Variants in FMO3 observed in about 807,000 individuals in gnomAD.
FMO3 encodes flavin-containing monooxygenase 3.
In FMO3, 40 loss-of-function variants were observed where a neutral mutation model predicts 39.4. The observed-to-expected ratio is 1.02, with a 90% confidence interval of 0.79 to 1.32. The LOEUF is 1.32. Among genes scored for constraint, FMO3 ranks in the 40% most tolerant of loss-of-function variants. The pLI is 0.00. For synonymous variants in FMO3, 219 were observed against 228.8 expected (o/e 0.96, Z 0.39); for missense variants, 680 against 651.8 (o/e 1.04, Z -0.47).
intron 2 of FMO3, among the ~76,000 whole-genome samples, chr1:171,099,108 C>G (rs2205725): frequency 0.34 from 51,695 of 151,932 alleles, 9,415 homozygotes; most frequent in South Asian, 0.47. Flanking sequence ...TCTTTGTTCT[C>G]GTTGGTTTCA....
Position 171,107,895 on chromosome 1 carries a change from A to C in FMO3, c.484+58A>C, listed in dbSNP as rs28363547. 4.4e-5 allele frequency: 68 copies of C among 1,541,976 alleles called. No individual in the cohort carries two copies. In the African/African-American group the frequency reaches 8.5e-4, roughly 19 times the overall value. On this transcript the variant is annotated intron_variant, in intron 4 of 8. Coordinates refer to ENST00000367755, the MANE Select transcript of FMO3 (RefSeq NM_001002294.3). ...ACTGACAAAAATGAATATCTTGATA[A>C]TGTCTTCTTTTTTCTAAAAGTATAA...
At chr1:171,113,755 C>T (rs1656013498) in intron 6 of FMO3, among the ~76,000 whole-genome samples, 1 of 152,144 alleles carries the variant, frequency 6.6e-6, no homozygotes, top group African/African-American at 2.4e-5. Flanking sequence ...AGCCTTTATT[C>T]CGGGATTTGG....
chr1:171,102,242 C>A (rs1240417882), intron 2 of FMO3, among the ~76,000 whole-genome samples: 1 of 152,076 alleles, frequency 6.6e-6, no homozygotes, highest in Admixed American at 6.6e-5. Flanking sequence ...TTCTGGGAGC[C>A]CTGACAACTT....
chr1:171,107,593 C>A, intron 3 of FMO3, 82 bp from the exon 4 acceptor site: 1 of 1,070,416 alleles, frequency 9.3e-7, no homozygotes, highest in South Asian at 1.3e-5. Flanking sequence ...TTTTCTTAAC[C>A]CACTTTTCTT....
At chr1:171,106,990 G>C (rs1023440777) in intron 3 of FMO3, among the ~76,000 whole-genome samples, 1 of 152,046 alleles carries the variant, frequency 6.6e-6, no homozygotes, top group African/African-American at 2.4e-5. Flanking sequence ...ATGTGTTTGT[G>C]TATTTTCTTA....
At chr1:171,114,809 C>T (rs1187222268) in intron 7 of FMO3, among the ~76,000 whole-genome samples, 1 of 152,126 alleles carries the variant, frequency 6.6e-6, no homozygotes, top group African/African-American at 2.4e-5. Context: ...TGCTGGAAGG[C>T]AATGGCTTTT....
intron 1 of FMO3, among the ~76,000 whole-genome samples, chr1:171,091,223 C>CA (rs902273760): frequency 0.011 from 1,365 of 125,108 alleles, 18 homozygotes; most frequent in African/African-American, 0.037. Context: ...AACTCCGTCT[C>CA]AAAAAAAAAA....
intron 2 of FMO3, chr1:171,101,161 G>A (rs1313328220): frequency 1.3e-5 from 6 of 456,134 alleles, no homozygotes; most frequent in Non-Finnish European, 2.2e-5. Context: ...GAAGCCAGAA[G>A]CGGCAAGGAA....
Position 171,116,234 on chromosome 1 carries a change from G to T in FMO3, c.1210G>T (p.Asp404Tyr). Reference protein sequence around the residue: ...KGTCTLPSMEDMMNDINEKME... With the variant: ...KGTCTLPSMEYMMNDINEKME... ...AACTTGTACTTTGCCTTCTATGGAA[G>T]ACATGATGAATGATATTAATGAGAA... Residue 404 changes from aspartate to tyrosine, a missense_variant, in exon 8 of 9, where the codon GAC becomes TAC. Physicochemically the swap from Asp to Tyr is radical, Grantham distance 160. Transcript: ENST00000367755. 6.2e-7 allele frequency: 1 copy of T among 1,606,208 alleles called. No individual in the cohort carries two copies. The highest frequency in any genetic ancestry group is 1.1e-5 in the South Asian group (1 of 90,892).
rs1315098960 is a variant in FMO3, at chr1:171,108,232, C to T, written c.627+11C>T. 4.3e-6 allele frequency: 7 copies of T among 1,613,488 alleles called. No individual in the cohort carries two copies. In the African/African-American group the frequency reaches 8.0e-5, roughly 18 times the overall value. On this transcript the variant is annotated intron_variant, in intron 5 of 8. Transcript: ENST00000367755. Reference sequence around the variant, plus strand: ...CGCACAGCAGAACAGGTACTACTCCCCGGGTACTCGGGTGACTCTCGTTAC... The same window carrying T: ...CGCACAGCAGAACAGGTACTACTCCTCGGGTACTCGGGTGACTCTCGTTAC...
At chr1:171,093,977 G>A (rs1654838699) in intron 2 of FMO3, among the ~76,000 whole-genome samples, 1 of 151,380 alleles carries the variant, frequency 6.6e-6, no homozygotes, top group Non-Finnish European at 1.5e-5. Context: ...TGGGGTTACA[G>A]GTGCCCACAC....
At chr1:171,111,225 T>C (rs563440423) in intron 6 of FMO3, among the ~76,000 whole-genome samples, 18 of 152,274 alleles carry the variant, frequency 1.2e-4, no homozygotes, top group African/African-American at 4.3e-4. Flanking sequence ...CCGGGAGTAA[T>C]GATAATCAAA....
intron 8 of FMO3, among the ~76,000 whole-genome samples, 182 bp downstream of exon 8, chr1:171,116,462 TAAG>T (rs1656158003): frequency 6.6e-6 from 1 of 152,190 alleles, no homozygotes; most frequent in East Asian, 1.9e-4. Flanking sequence ...GACATTGTAT[TAAG>T]TTCTTTTTAG....
At chr1:171,104,954 C>T (rs1054701413) in intron 3 of FMO3, among the ~76,000 whole-genome samples, 25 of 151,400 alleles carry the variant, frequency 1.7e-4, no homozygotes, top group African/African-American at 4.4e-4. Context: ...AATAATATTG[C>T]GAAGGAAAGG....
intron 2 of FMO3, among the ~76,000 whole-genome samples, chr1:171,099,096 T>C (rs997812273): frequency 2.6e-5 from 4 of 152,206 alleles, no homozygotes; most frequent in East Asian, 1.9e-4. Context: ...TGGTATGCTG[T>C]GTCTTTGTTC....
chr1:171,110,123 T>C (rs1655840776), intron 5 of FMO3, among the ~76,000 whole-genome samples: 1 of 152,154 alleles, frequency 6.6e-6, no homozygotes, highest in Admixed American at 6.6e-5. Context: ...GGAACAAGAT[T>C]AGAGAAGTTA....
At chr1:171,116,169 G>T in intron 7 of FMO3, 39 bp from the exon 8 acceptor site, 1 of 1,262,702 alleles carries the variant, frequency 7.9e-7, no homozygotes, top group South Asian at 1.2e-5. Flanking sequence ...TCCTATGCCA[G>T]ACTCATTAAT....
At chr1:171,112,192 A>G (rs1351648056) in intron 6 of FMO3, among the ~76,000 whole-genome samples, 2 of 152,234 alleles carry the variant, frequency 1.3e-5, no homozygotes, top group African/African-American at 4.8e-5. Context: ...AACCAGAGAC[A>G]TAAAAATTGT....
intron 2 of FMO3, among the ~76,000 whole-genome samples, chr1:171,102,361 G>T (rs1655436860): frequency 6.6e-6 from 1 of 152,146 alleles, no homozygotes; most frequent in Non-Finnish European, 1.5e-5. Flanking sequence ...TGAAACTTGA[G>T]ATATAAGTAC....
Sources: allele counts gnomAD v4.1 joint callset (sites outside exome capture counted in the v4.1 genomes callset), GRCh38; gene constraint gnomAD v4.1.1; transcripts MANE v1.5; gene names NCBI Gene and HGNC (gene_info 2026-07-23, HGNC 2026-07-21).